The following CCDC125 variants were observed in gnomAD, a reference collection of about 807,000 sequenced individuals.
The protein encoded by CCDC125 is coiled-coil domain-containing protein 125.
In CCDC125, 43 loss-of-function variants were observed where a neutral mutation model predicts 57.4. That is an observed-to-expected ratio of 0.75 (90% CI 0.59 to 0.97). CCDC125 has a LOEUF of 0.97. Among genes scored for constraint, CCDC125 ranks in the 50% least tolerant of loss-of-function variants. The probability of loss-of-function intolerance (pLI) is 0.00; values close to 1 mark genes in which losing one functional copy is unlikely to be tolerated. For missense variants in CCDC125, 563 were observed against 595.7 expected, an observed-to-expected ratio of 0.95 and a Z score of 0.57; for synonymous variants, 187 against 195.2, an observed-to-expected ratio of 0.96 and a Z score of 0.35.
chr5:69,305,169 C>G (rs1402839417), intron 6 of CCDC125, among the ~76,000 whole-genome samples: 3 of 152,000 alleles, frequency 2.0e-5, no homozygotes, highest in Non-Finnish European at 4.4e-5. Context: ...AATGGATAAA[C>G]AAAATGGCGT....
At chr5:69,307,022 T>C in intron 5 of CCDC125, 120 bp from the exon 6 acceptor site, 1 of 1,147,938 alleles carries the variant, frequency 8.7e-7, no homozygotes, top group Non-Finnish European at 1.1e-6. Context: ...AGAGAAAAAA[T>C]TAATTATTGC....
chr5:69,285,479 C>T lies in CCDC125; in HGVS notation c.1100-12G>A, dbSNP rs1753187746. On this transcript the variant is annotated splice_polypyrimidine_tract_variant and intron_variant, in intron 10 of 11. Transcript: ENST00000396496. ...TGGTGATGGAAATCCTAAAATTGAACATGAGAATCCAGCTGAGACATTAAA... is the reference window on the plus strand; with the variant it reads ...TGGTGATGGAAATCCTAAAATTGAATATGAGAATCCAGCTGAGACATTAAA... The T allele has an allele frequency of 1.9e-6, 3 of 1,587,738 alleles. No individual in the cohort carries two copies. Among genetic ancestry groups the T allele is most frequent in the Non-Finnish European group, 2.6e-6 (3 of 1,171,858 alleles).
intron 8 of CCDC125, 67 bp from the exon 9 acceptor site, chr5:69,294,967 G>C (rs969407229): frequency 7.3e-7 from 1 of 1,375,934 alleles, no homozygotes; most frequent in Non-Finnish European, 1.0e-6. Flanking sequence ...ACAAACACAG[G>C]GGCATTTACA....
rs188878444 is a variant in CCDC125, at chr5:69,297,771, C to T, written c.816+2241G>A. 8.6e-5 allele frequency among the ~76,000 whole-genome samples: 13 copies of T among 151,150 alleles called. No individual in the cohort carries two copies. The East Asian group carries it at 2.5e-3, about 29-fold the overall frequency. On this transcript the variant is annotated intron_variant, in intron 8 of 11. Transcript: ENST00000396496. ...TTGAGCCCAGGAGTTCAAGACCAGC[C>T]TGGGCAACATGAGACCCTGTCTCTA...
Position 69,282,626 on chromosome 5 carries a change from T to G in CCDC125, c.*103A>C. ...TGACCTCCTAAAATTTAGAAATACCTAGGAAACATACAACTTCTCAAGATG... is the reference window on the plus strand; with the variant it reads ...TGACCTCCTAAAATTTAGAAATACCGAGGAAACATACAACTTCTCAAGATG... On this transcript the variant is annotated 3_prime_UTR_variant, in exon 12 of 12. Transcript: ENST00000396496. 1 of 941,730 alleles carries G rather than the reference T, an allele frequency of 1.1e-6. No homozygotes were observed. The highest frequency in any genetic ancestry group is 1.6e-6 in the Non-Finnish European group (1 of 627,818). The allele number at this position is 941,730 out of a possible 1,614,324, so 58.3% of individuals were successfully genotyped here. A position where few individuals can be genotyped will look rare whatever the true frequency, so the allele number is the denominator to read the frequency against.
rs184336630 is a variant in CCDC125 at position 69,318,192 on chromosome 5, G to A, written c.304+2045C>T. 1.9e-3 allele frequency among the ~76,000 whole-genome samples: 287 copies of A among 151,440 alleles called. 3 individuals carry two copies. The highest frequency in any genetic ancestry group is 6.7e-3 in the South Asian group (32 of 4,784). On this transcript the variant is annotated intron_variant, in intron 2 of 11. Coordinates refer to ENST00000396496, the MANE Select transcript of CCDC125 (RefSeq NM_176816.5). ...AGATGGGGTTTCACCATGTTGGTCA[G>A]GCTGGTCTGAAACTCCTGACCTCAT...
intron 9 of CCDC125, chr5:69,294,024 A>T: frequency 2.7e-6 from 1 of 375,784 alleles, no homozygotes; most frequent in Non-Finnish European, 3.7e-6. Context: ...TACCCCGTCC[A>T]AAGCCACACA....
At position 69,282,477 on chromosome 5, in the gene CCDC125, G is replaced by T; in HGVS notation, c.*252C>A. 3.0e-6 allele frequency: 1 copy of T among 333,492 alleles called. No individual in the cohort carries two copies. The allele number at this position is 333,492 out of a possible 1,614,324, so 20.7% of individuals were successfully genotyped here. A position where few individuals can be genotyped will look rare whatever the true frequency, so the allele number is the denominator to read the frequency against. On this transcript the variant is annotated 3_prime_UTR_variant, in exon 12 of 12. Coordinates refer to ENST00000396496, the MANE Select transcript of CCDC125 (RefSeq NM_176816.5). The stretch of plus-strand genomic sequence containing the variant: ...CTCGGGAGGCTGAGGCAGGAGAATT[G>T]CTTGAACCGGGAGGCGGAGGTTGCA...
At chr5:69,292,513 T>C (rs1324328847) in intron 9 of CCDC125, 151 bp from the exon 10 acceptor site, 1 of 625,582 alleles carries the variant, frequency 1.6e-6, no homozygotes, top group Non-Finnish European at 2.8e-6. Context: ...CGCTAATTAA[T>C]GCTTGCTATT....
chr5:69,314,751 C>G (rs984436976), intron 2 of CCDC125, among the ~76,000 whole-genome samples: 2 of 151,844 alleles, frequency 1.3e-5, no homozygotes, highest in Non-Finnish European at 2.9e-5. Context: ...CTGCAGCGAG[C>G]TATGACTGTA....
At chr5:69,315,586 A>G (rs1758933076) in intron 2 of CCDC125, among the ~76,000 whole-genome samples, 1 of 151,034 alleles carries the variant, frequency 6.6e-6, no homozygotes, top group African/African-American at 2.4e-5. Context: ...GTGAAACTCC[A>G]TCTCTACTAA....
At chr5:69,274,008 A>G in the CCDC125 span, among the ~76,000 whole-genome samples, 1 of 152,122 alleles carries the variant, frequency 6.6e-6, no homozygotes. Context: ...TATTATTTTT[A>G]TGTCCATGTG....
chr5:69,297,052 A>G (rs1002011920), intron 8 of CCDC125, among the ~76,000 whole-genome samples: 4 of 152,184 alleles, frequency 2.6e-5, no homozygotes, highest in Non-Finnish European at 5.9e-5. Context: ...AGCGTGCCAT[A>G]TATTTTATTT....
intron 1 of CCDC125, among the ~76,000 whole-genome samples, chr5:69,331,421 G>A (rs1035346122): frequency 3.3e-5 from 5 of 151,848 alleles, no homozygotes; most frequent in Admixed American, 1.3e-4. Context: ...TTGTAGAGAC[G>A]GGGTTTCACC....
chr5:69,287,142 C>A (rs1179628754), intron 10 of CCDC125, among the ~76,000 whole-genome samples: 1 of 151,924 alleles, frequency 6.6e-6, no homozygotes, highest in African/African-American at 2.4e-5. Context: ...TCTGTATCAC[C>A]CTGTACCTCT....
chr5:69,304,076 T>A, intron 6 of CCDC125, 147 bp from the exon 7 acceptor site: 2 of 538,316 alleles, frequency 3.7e-6, no homozygotes, highest in Non-Finnish European at 6.4e-6. Flanking sequence ...ATCACAAAAA[T>A]AAAAACAATT....
chr5:69,283,942 C>A (rs1218909742), intron 11 of CCDC125, among the ~76,000 whole-genome samples: 1 of 151,852 alleles, frequency 6.6e-6, no homozygotes, highest in Non-Finnish European at 1.5e-5. Flanking sequence ...CAGGTGCCAG[C>A]CACCACACCT....
At chr5:69,292,128 G>A in intron 10 of CCDC125, 60 bp downstream of exon 10, 1 of 1,404,144 alleles carries the variant, frequency 7.1e-7, no homozygotes, top group South Asian at 1.3e-5. Flanking sequence ...TCATCAACTT[G>A]GATTATAAAC....
At chr5:69,300,185 A>G (rs1756153488) in intron 7 of CCDC125, 58 bp from the exon 8 acceptor site, 8 of 1,188,016 alleles carry the variant, frequency 6.7e-6, no homozygotes, top group Non-Finnish European at 3.8e-6. Context: ...CCCTCATCCA[A>G]TCTAGTTACC....
Sources: gnomAD v4.1 joint callset for allele counts (sites outside exome capture counted in the v4.1 genomes callset) on GRCh38, gnomAD v4.1.1 for gene constraint, MANE v1.5 for transcripts, NCBI Gene and HGNC (gene_info 2026-07-23, HGNC 2026-07-21) for gene names.